The following OTUD7A variants were observed in gnomAD, a reference collection of about 807,000 sequenced individuals.
The protein encoded by OTUD7A is OTU deubiquitinase 7A, also known as OTU domain-containing protein 7A.
A neutral mutation model predicts 65.7 loss-of-function variants in OTUD7A; 12 were observed. That is an observed-to-expected ratio of 0.18 (90% CI 0.12 to 0.30). OTUD7A has a LOEUF of 0.30. OTUD7A is among the 10% of genes least tolerant of loss of function. The pLI is 1.00. For synonymous variants in OTUD7A, 641 were observed against 586.3 expected (o/e 1.09, Z -1.35); for missense variants, 1,148 against 1,304.8 (o/e 0.88, Z 1.85).
chr15:31,522,264 G>T (rs7173874), intron 8 of OTUD7A, among the ~76,000 whole-genome samples: 1 of 152,010 alleles, frequency 6.6e-6, no homozygotes, highest in Non-Finnish European at 1.5e-5. Context: ...ATCTATTCAT[G>T]ATGGGAACAA....
intron 1 of OTUD7A, among the ~76,000 whole-genome samples, chr15:31,794,505 G>C (rs1368993939): frequency 1.3e-5 from 2 of 151,660 alleles, no homozygotes; most frequent in African/African-American, 4.8e-5. Flanking sequence ...GTATAATATG[G>C]GGGAGGGAGG....
intron 5 of OTUD7A, chr15:31,556,567 A>G (rs1302261348): frequency 1.3e-5 from 2 of 152,266 alleles, no homozygotes; most frequent in African/African-American, 4.8e-5. Flanking sequence ...ATAACAGAAA[A>G]GACGTTCAAA....
intron 1 of OTUD7A, among the ~76,000 whole-genome samples, chr15:31,713,854 A>C (rs914888163): frequency 1.8e-4 from 28 of 151,658 alleles, no homozygotes; most frequent in African/African-American, 6.8e-4. Context: ...ACTTCACAAG[A>C]TGACATCTGA....
intron 7 of OTUD7A, 103 bp downstream of exon 7, chr15:31,527,078 A>G (rs1277861005): frequency 4.6e-6 from 7 of 1,525,352 alleles, no homozygotes; most frequent in Admixed American, 3.9e-5. Flanking sequence ...CCTTCCCCTC[A>G]TAAGACTGTC....
intron 5 of OTUD7A, among the ~76,000 whole-genome samples, chr15:31,551,948 C>T (rs1431487192): frequency 1.3e-5 from 2 of 152,198 alleles, no homozygotes; most frequent in Admixed American, 6.5e-5. Flanking sequence ...TGTTTGTCCC[C>T]TCCAAATCTA....
rs1027456387 is a variant in OTUD7A, at chr15:31,744,831, A to G, written c.-99-87754T>C. ...AATGCATTTAGTAAGGCTGCAAGTT[A>G]CAAGGTCAATATGCCAAAAACATCA... is the stretch of plus-strand genomic sequence containing the variant. On this transcript the variant is annotated intron_variant, in intron 1 of 12. Coordinates refer to ENST00000307050, the MANE Select transcript of OTUD7A (RefSeq NM_001382637.1). Among the ~76,000 whole-genome samples the G allele has an allele frequency of 1.1e-4, 17 of 152,254 alleles. No homozygotes were observed. The East Asian group carries it at 1.2e-3, about 10-fold the overall frequency.
chr15:31,811,482 T>C (rs1896414383), intron 1 of OTUD7A, among the ~76,000 whole-genome samples: 2 of 151,944 alleles, frequency 1.3e-5, no homozygotes, highest in South Asian at 4.1e-4. Context: ...TAGATGTGTG[T>C]AGCGTGATGT....
At chr15:31,779,511 A>T (rs1247438934) in intron 1 of OTUD7A, among the ~76,000 whole-genome samples, 1 of 152,238 alleles carries the variant, frequency 6.6e-6, no homozygotes, top group Non-Finnish European at 1.5e-5. Context: ...AATAAAAAAC[A>T]ATGCACCATT....
At chr15:31,745,854 A>AT (rs558732868) in intron 1 of OTUD7A, among the ~76,000 whole-genome samples, 2 of 152,292 alleles carry the variant, frequency 1.3e-5, no homozygotes, top group East Asian at 1.9e-4. Flanking sequence ...AGATTATCCA[A>AT]TTTTTTTAAA....
chr15:31,823,731 A>C (rs1242933514), intron 1 of OTUD7A, among the ~76,000 whole-genome samples: 1 of 152,192 alleles, frequency 6.6e-6, no homozygotes, highest in Non-Finnish European at 1.5e-5. Flanking sequence ...TAAAACTCAG[A>C]AGAGAAATTC....
intron 3 of OTUD7A, among the ~76,000 whole-genome samples, chr15:31,606,075 A>G (rs1890230791): frequency 6.6e-6 from 1 of 152,180 alleles, no homozygotes; most frequent in African/African-American, 2.4e-5. Flanking sequence ...CCTTCAACCA[A>G]TGTCTCTGGT....
chr15:31,702,822 A>G (rs28862072), intron 1 of OTUD7A, among the ~76,000 whole-genome samples: 98,590 of 148,210 alleles, frequency 0.67, 33,737 homozygotes, highest in South Asian at 0.79. Context: ...GGATAAAGTG[A>G]GAAGAATCAA....
In OTUD7A at chr15:31,483,620, T is replaced by A; in HGVS notation, c.2476A>T (p.Thr826Ser). Reference sequence around the variant, plus strand: ...GCCAGCGACTCGACCGTGTTGACGGTGCGCAGGGCGGCGGCGCGCGCCGGG... The same window carrying A: ...GCCAGCGACTCGACCGTGTTGACGGAGCGCAGGGCGGCGGCGCGCGCCGGG... ...YSPARAAALRTVNTVESLARA... is the reference protein window; with the variant it reads ...YSPARAAALRSVNTVESLARA... Residue 826 changes from threonine (T) to serine (S), a missense_variant, in exon 13 of 13, where the codon ACC becomes TCC. Thr to Ser is a moderately conservative substitution (Grantham distance 58, BLOSUM62 1). This residue lies in a region of OTUD7A where 842 missense variants were observed against 769.5 expected (regional missense o/e 1.09). Coordinates refer to ENST00000307050, the MANE Select transcript of OTUD7A (RefSeq NM_001382637.1). 8.4e-7 allele frequency: 1 copy of A among 1,192,280 alleles called. No individual in the cohort carries two copies. The highest frequency in any genetic ancestry group is 1.0e-6 in the Non-Finnish European group (1 of 965,298). The allele number at this position is 1,192,280 out of a possible 1,614,324, so 73.9% of individuals were successfully genotyped here.
intron 1 of OTUD7A, among the ~76,000 whole-genome samples, chr15:31,729,766 G>A (rs116123749): frequency 1.2e-4 from 18 of 152,238 alleles, no homozygotes; most frequent in Non-Finnish European, 1.9e-4. Context: ...TCCTCCAAAC[G>A]ATGGTTGCAG....
chr15:31,836,376 T>A (rs979045453), intron 1 of OTUD7A, among the ~76,000 whole-genome samples: 25 of 152,218 alleles, frequency 1.6e-4, no homozygotes, highest in Admixed American at 1.3e-4. Flanking sequence ...ACTCTCCTTT[T>A]TTACTCTCTT....
At chr15:31,767,987 A>G (rs573217051) in intron 1 of OTUD7A, 474 of 1,579,530 alleles carry the variant, frequency 3.0e-4, no homozygotes, top group Non-Finnish European at 3.9e-4. Flanking sequence ...TTTCCTCAAC[A>G]GTTGTTGCCT....
At chr15:31,558,189 T>G (rs996354443) in intron 5 of OTUD7A, 1 of 152,380 alleles carries the variant, frequency 6.6e-6, no homozygotes, top group South Asian at 2.1e-4. Flanking sequence ...CCCCCAGATA[T>G]GTGATTTTGC....
chr15:31,796,895 C>T (rs949378659), intron 1 of OTUD7A, among the ~76,000 whole-genome samples: 1 of 152,124 alleles, frequency 6.6e-6, no homozygotes, highest in Non-Finnish European at 1.5e-5. Context: ...CCACCATACC[C>T]GGCTGATTTT....
intron 3 of OTUD7A, among the ~76,000 whole-genome samples, chr15:31,608,593 C>T (rs952274101): frequency 1.1e-4 from 17 of 152,128 alleles, no homozygotes; most frequent in African/African-American, 4.1e-4. Flanking sequence ...CCAACAAACC[C>T]ATCCTAAATC....
Sources: gnomAD v4.1 joint callset for allele counts (sites outside exome capture counted in the v4.1 genomes callset) on GRCh38, gnomAD v4.1.1 for gene constraint, gnomAD v4.1.1 regional missense constraint, MANE v1.5 for transcripts, NCBI Gene and HGNC (gene_info 2026-07-23, HGNC 2026-07-21) for gene names.